NCOA3: variants seen among roughly 807,000 people sequenced by gnomAD.
The protein encoded by NCOA3 is nuclear receptor coactivator 3, also known as CBP-interacting protein.
Under a neutral mutation model 158.8 loss-of-function variants are expected in NCOA3, and 51 were observed. The observed-to-expected ratio is 0.32, with a 90% confidence interval of 0.26 to 0.41. The LOEUF (loss-of-function observed/expected upper bound fraction) is 0.41. Among genes scored for constraint, NCOA3 ranks in the 10% least tolerant of loss-of-function variants. The pLI, the probability that NCOA3 is intolerant of heterozygous loss-of-function variation, is 1.00. For missense variants in NCOA3, 1,510 were observed against 1,746.6 expected (o/e 0.86, Z 2.41); for synonymous variants, 537 against 592.4 (o/e 0.91, Z 1.36).
intron 2 of NCOA3, among the ~76,000 whole-genome samples, chr20:47,607,305 C>G (rs1274414232): frequency 6.6e-6 from 1 of 152,126 alleles, no homozygotes; most frequent in Non-Finnish European, 1.5e-5. Context: ...AAATTTATAT[C>G]TATAAAGGAA....
At chr20:47,596,000 A>G (rs1431497091) in intron 2 of NCOA3, among the ~76,000 whole-genome samples, 1 of 152,170 alleles carries the variant, frequency 6.6e-6, no homozygotes, top group Non-Finnish European at 1.5e-5. Context: ...AAAATTACAC[A>G]TTATTTTTAT....
At chr20:47,595,747 T>C (rs935861581) in intron 2 of NCOA3, among the ~76,000 whole-genome samples, 2 of 152,122 alleles carry the variant, frequency 1.3e-5, no homozygotes, top group Admixed American at 6.6e-5. Context: ...TGGATTTAAT[T>C]TCTAGCTCCA....
chr20:47,586,517 A>G (rs911975894), intron 2 of NCOA3, among the ~76,000 whole-genome samples: 1 of 152,180 alleles, frequency 6.6e-6, no homozygotes, highest in African/African-American at 2.4e-5. Flanking sequence ...ATAACTTCAT[A>G]AATGGACATC....
At chr20:47,516,738 T>C (rs1289664357) in intron 1 of NCOA3, among the ~76,000 whole-genome samples, 1 of 151,242 alleles carries the variant, frequency 6.6e-6, no homozygotes, top group Non-Finnish European at 1.5e-5. Flanking sequence ...CTGGCCAACA[T>C]GGTAAAACCC....
At chr20:47,547,640 G>A (rs1177380477) in intron 1 of NCOA3, among the ~76,000 whole-genome samples, 1 of 151,676 alleles carries the variant, frequency 6.6e-6, no homozygotes, top group Non-Finnish European at 1.5e-5. Flanking sequence ...GGATAGTCTC[G>A]ATCTCCTGAC....
chr20:47,511,550 T>TATATATATATATATACAC, intron 1 of NCOA3, among the ~76,000 whole-genome samples: 1,655 of 52,164 alleles, frequency 0.032, 157 homozygotes, highest in Non-Finnish European at 0.045. Flanking sequence ...TATATATATA[T>TATATATATATATATACAC]ATATATTTCT....
intron 1 of NCOA3, among the ~76,000 whole-genome samples, chr20:47,542,279 A>G (rs2084756816): frequency 6.6e-6 from 1 of 150,560 alleles, no homozygotes; most frequent in Non-Finnish European, 1.5e-5. Flanking sequence ...GCCTCAAGTG[A>G]TTGTCCTGTC....
chr20:47,633,418 G>A, intron 8 of NCOA3, 78 bp from the exon 9 acceptor site: 1 of 1,350,798 alleles, frequency 7.4e-7, no homozygotes, highest in Non-Finnish European at 1.0e-6. Context: ...TTATTCTCCA[G>A]TGCTAAGCCA....
chr20:47,641,569 C>T (rs1320896881), intron 16 of NCOA3, among the ~76,000 whole-genome samples: 1 of 136,550 alleles, frequency 7.3e-6, no homozygotes, highest in Non-Finnish European at 1.5e-5. Context: ...GGCGCAATCT[C>T]GGATCACTGC....
At chr20:47,597,196 A>G (rs576607532) in intron 2 of NCOA3, among the ~76,000 whole-genome samples, 37 of 152,320 alleles carry the variant, frequency 2.4e-4, no homozygotes, top group African/African-American at 8.7e-4. Context: ...ACTGGTCCCT[A>G]GCAACCAGAA....
At chr20:47,516,461 G>C (rs1027251258) in intron 1 of NCOA3, among the ~76,000 whole-genome samples, 1 of 152,194 alleles carries the variant, frequency 6.6e-6, no homozygotes. Context: ...GTAGAAGACA[G>C]AGCAAGGGTC....
At chr20:47,603,597 G>A (rs2085899288) in intron 2 of NCOA3, among the ~76,000 whole-genome samples, 1 of 152,240 alleles carries the variant, frequency 6.6e-6, no homozygotes, top group African/African-American at 2.4e-5. Flanking sequence ...ACGGACTTGA[G>A]GATGGTGAAT....
chr20:47,638,917 C>T (rs1357832557), intron 13 of NCOA3, 91 bp from the exon 14 acceptor site: 2 of 1,013,802 alleles, frequency 2.0e-6, no homozygotes, highest in Non-Finnish European at 2.8e-6. Flanking sequence ...GAAAGACATT[C>T]TTGGGTGGGG....
intron 1 of NCOA3, among the ~76,000 whole-genome samples, chr20:47,550,454 A>AAG (rs2084911618): frequency 6.6e-6 from 1 of 151,218 alleles, no homozygotes; most frequent in Non-Finnish European, 1.5e-5. Context: ...CAGAAAAAAA[A>AAG]AAAAAAAAAA....
At position 47,525,634 on chromosome 20, in the gene NCOA3, C is replaced by T. The variant is rs1388350085; in HGVS notation, c.-99+23615C>T. ...GGGGCTGACCCCCCCACCTCCCTCC[C>T]GGACGGGGCGGCTGGCCGGACGGGG... is the stretch of plus-strand genomic sequence containing the variant. On this transcript the variant is annotated intron_variant, in intron 1 of 22. Coordinates refer to ENST00000371998, the MANE Select transcript of NCOA3 (RefSeq NM_181659.3). Among the ~76,000 whole-genome samples the T allele has an allele frequency of 8.6e-3, 1,125 of 130,226 alleles. 58 individuals are homozygous for T. Among genetic ancestry groups the T allele is most frequent in the African/African-American group, 0.037 (1,043 of 28,400 alleles). 85.4% of individuals were successfully genotyped at this position (130,226 alleles called of 152,430 possible).
chr20:47,532,463 C>A (rs188111822), intron 1 of NCOA3, among the ~76,000 whole-genome samples: 19 of 152,190 alleles, frequency 1.2e-4, no homozygotes, highest in Admixed American at 1.2e-3. Context: ...AAAAAAAATT[C>A]ATTTTTTAAA....
chr20:47,513,927 C>G (rs539640178), intron 1 of NCOA3, among the ~76,000 whole-genome samples: 1 of 151,780 alleles, frequency 6.6e-6, no homozygotes, highest in Non-Finnish European at 1.5e-5. Context: ...TAAAGTTTGC[C>G]AAAAATATAG....
intron 16 of NCOA3, among the ~76,000 whole-genome samples, chr20:47,640,919 A>C (rs959494810): frequency 6.6e-6 from 1 of 151,992 alleles, no homozygotes; most frequent in African/African-American, 2.4e-5. Flanking sequence ...ATTGTATTTA[A>C]TTTTTATTTA....
chr20:47,651,378 C>T, intron 20 of NCOA3, 102 bp downstream of exon 20: 2 of 1,491,484 alleles, frequency 1.3e-6, no homozygotes, highest in East Asian at 2.3e-5. Context: ...ACGATTCACT[C>T]CCTCTTTACT....
Sources: gnomAD v4.1 joint callset for allele counts (sites outside exome capture counted in the v4.1 genomes callset) on GRCh38, gnomAD v4.1.1 for gene constraint, MANE v1.5 for transcripts, NCBI Gene and HGNC (gene_info 2026-07-23, HGNC 2026-07-21) for gene names.